Variants in MAGI2 observed in about 807,000 individuals in gnomAD.
MAGI2 encodes membrane-associated guanylate kinase, WW and PDZ domain-containing protein 2.
Under a neutral mutation model 133.3 loss-of-function variants are expected in MAGI2, and 35 were observed. The observed-to-expected ratio is 0.26, with a 90% CI of 0.20 to 0.35. MAGI2 has a LOEUF of 0.35. MAGI2 is among the 10% of genes least tolerant of loss of function. The probability of loss-of-function intolerance (pLI) is 1.00; values close to 1 mark genes in which losing one functional copy is unlikely to be tolerated. For synonymous variants in MAGI2, 729 were observed against 710.6 expected, an observed-to-expected ratio of 1.03 and a Z score of -0.41; for missense variants, 1,636 against 1,863.4, an observed-to-expected ratio of 0.88 and a Z score of 2.25.
rs78314418 is a variant in MAGI2, at chr7:78,780,742, G to A, written c.419-153503C>T. On this transcript the variant is annotated intron_variant, in intron 2 of 21. Transcript: ENST00000354212. ...GTAAAACCAACAGGTGTTAATTGTA[G>A]TATTTGTCAGTTCTGTTTCAGTACC... is the stretch of plus-strand genomic sequence containing the variant. Among the ~76,000 whole-genome samples the A allele has an allele frequency of 1.5e-3, 229 of 152,248 alleles. 1 individual carries two copies. The highest frequency in any genetic ancestry group is 5.2e-3 in the African/African-American group (214 of 41,544).
intron 13 of MAGI2, among the ~76,000 whole-genome samples, chr7:78,180,229 C>T (rs1827062817): frequency 6.6e-6 from 1 of 152,212 alleles, no homozygotes; most frequent in Non-Finnish European, 1.5e-5. Flanking sequence ...GTATTCTTCT[C>T]ACTTTTGCAT....
At chr7:78,751,341 A>G (rs1233539028) in intron 2 of MAGI2, among the ~76,000 whole-genome samples, 1 of 152,224 alleles carries the variant, frequency 6.6e-6, no homozygotes. Flanking sequence ...CTTTCACATT[A>G]TTCCTAAAAT....
intron 1 of MAGI2, among the ~76,000 whole-genome samples, chr7:79,041,218 C>A (rs150200613): frequency 2.6e-5 from 4 of 152,198 alleles, no homozygotes; most frequent in African/African-American, 9.6e-5. Context: ...CAGCAGACTC[C>A]TTATATGCAC....
chr7:78,830,748 A>C (rs974498242), intron 2 of MAGI2, among the ~76,000 whole-genome samples: 1 of 152,180 alleles, frequency 6.6e-6, no homozygotes, highest in Non-Finnish European at 1.5e-5. Context: ...GCCTTCTATG[A>C]GGCAGAAAAG....
intron 14 of MAGI2, among the ~76,000 whole-genome samples, chr7:78,175,545 G>T (rs1052052778): frequency 2.6e-5 from 4 of 152,228 alleles, no homozygotes; most frequent in Non-Finnish European, 5.9e-5. Flanking sequence ...CTGGTGTGTG[G>T]GTGGGTGTTC....
chr7:78,869,690 G>A (rs957554525), intron 2 of MAGI2, among the ~76,000 whole-genome samples: 1 of 152,132 alleles, frequency 6.6e-6, no homozygotes, highest in Non-Finnish European at 1.5e-5. Context: ...GCTTTATGAA[G>A]CCATCAGATC....
At chr7:78,887,710 T>C (rs1796376314) in intron 2 of MAGI2, among the ~76,000 whole-genome samples, 2 of 152,190 alleles carry the variant, frequency 1.3e-5, no homozygotes, top group African/African-American at 4.8e-5. Flanking sequence ...CAGAAGAAAA[T>C]GTAGACTTAC....
At chr7:78,945,627 G>A (rs1801355903) in intron 2 of MAGI2, among the ~76,000 whole-genome samples, 1 of 152,066 alleles carries the variant, frequency 6.6e-6, no homozygotes, top group Non-Finnish European at 1.5e-5. Context: ...CACTAATAAA[G>A]CAAACAAGGC....
intron 6 of MAGI2, among the ~76,000 whole-genome samples, chr7:78,483,564 A>C (rs1290749670): frequency 6.6e-6 from 1 of 151,712 alleles, no homozygotes; most frequent in Non-Finnish European, 1.5e-5. Flanking sequence ...CCACAACCCA[A>C]AATTTGGTAC....
Position 78,402,197 on chromosome 7 carries a change from G to GT in MAGI2, c.1046-32985_1046-32984insA, listed in dbSNP as rs1343110873. Among the ~76,000 whole-genome samples the GT allele has an allele frequency of 8.4e-3, 1,276 of 151,666 alleles. 21 individuals carry two copies. Among genetic ancestry groups the GT allele is most frequent in the African/African-American group, 0.021 (876 of 41,364 alleles). On this transcript the variant is annotated intron_variant, in intron 6 of 21. Transcript: ENST00000354212. ...GCATATGTGTGTGTGCCCACCTGGG[G>GT]GGTGTGTGTGTGTGTGTATCCACCT...
chr7:79,220,155 T>C (rs1830332470), intron 1 of MAGI2, among the ~76,000 whole-genome samples: 1 of 152,124 alleles, frequency 6.6e-6, no homozygotes, highest in South Asian at 2.1e-4. Context: ...CAGCACTCTT[T>C]TGGAAACTAC....
At chr7:79,103,923 G>A (rs957933293) in intron 1 of MAGI2, among the ~76,000 whole-genome samples, 3 of 151,890 alleles carry the variant, frequency 2.0e-5, no homozygotes, top group Non-Finnish European at 2.9e-5. Flanking sequence ...GGATGGTCTC[G>A]ATCTCCTGAC....
At chr7:78,694,997 C>T (rs182880011) in intron 2 of MAGI2, among the ~76,000 whole-genome samples, 88 of 152,086 alleles carry the variant, frequency 5.8e-4, no homozygotes, top group African/African-American at 1.8e-3. Context: ...AGGCCAAGGC[C>T]GGCAGATCAC....
intron 7 of MAGI2, among the ~76,000 whole-genome samples, chr7:78,346,560 C>A (rs926623135): frequency 9.2e-5 from 14 of 152,112 alleles, no homozygotes; most frequent in African/African-American, 3.4e-4. Flanking sequence ...GCAGAAGTTA[C>A]AGAATACATA....
chr7:78,840,751 G>C (rs931027380), intron 2 of MAGI2, among the ~76,000 whole-genome samples: 1 of 151,856 alleles, frequency 6.6e-6, no homozygotes, highest in Non-Finnish European at 1.5e-5. Flanking sequence ...TATGCGATTT[G>C]CAAACAGACA....
chr7:79,378,904 TTA>T (rs61497589), intron 1 of MAGI2, among the ~76,000 whole-genome samples: 44,245 of 127,868 alleles, frequency 0.35, 9,027 homozygotes, highest in East Asian at 0.5. Flanking sequence ...AAGTCTTCTT[TTA>T]TATATATATA....
chr7:78,030,596 C>A (rs1382815809), intron 21 of MAGI2, among the ~76,000 whole-genome samples: 1 of 152,014 alleles, frequency 6.6e-6, no homozygotes, highest in Non-Finnish European at 1.5e-5. Context: ...AGATGATATG[C>A]GGATGGACAA....
At chr7:78,433,975 A>G (rs934047432) in intron 6 of MAGI2, among the ~76,000 whole-genome samples, 6 of 152,194 alleles carry the variant, frequency 3.9e-5, no homozygotes, top group Non-Finnish European at 7.3e-5. Context: ...GCCAAATACT[A>G]TGGTCAAGTG....
At chr7:78,727,671 T>C (rs535945231) in intron 2 of MAGI2, among the ~76,000 whole-genome samples, 1 of 152,352 alleles carries the variant, frequency 6.6e-6, no homozygotes, top group South Asian at 2.1e-4. Context: ...TAAATGTGAA[T>C]GGTAACACTT....
Sources: gnomAD v4.1 joint callset for allele counts (sites outside exome capture counted in the v4.1 genomes callset) on GRCh38, gnomAD v4.1.1 for gene constraint, MANE v1.5 for transcripts, NCBI Gene and HGNC (gene_info 2026-07-23, HGNC 2026-07-21) for gene names.